Variants in KCNQ5 observed in about 807,000 individuals in gnomAD.
KCNQ5 encodes the protein potassium voltage-gated channel subfamily Q member 5.
KCNQ5 carries 30 observed loss-of-function variants against 98.2 expected under a neutral mutation model. The observed-to-expected ratio is 0.31, with a 90% CI of 0.23 to 0.41. The LOEUF (loss-of-function observed/expected upper bound fraction) is 0.41. KCNQ5 is among the 10% of genes least tolerant of loss of function. The pLI, the probability that KCNQ5 is intolerant of heterozygous loss-of-function variation, is 1.00. For missense variants in KCNQ5, 835 were observed against 1,182.5 expected, an observed-to-expected ratio of 0.71 and a Z score of 4.31; for synonymous variants, 458 against 449.4, an observed-to-expected ratio of 1.02 and a Z score of -0.24.
At chr6:72,939,891 G>A (rs1171900426) in intron 1 of KCNQ5, among the ~76,000 whole-genome samples, 6 of 152,098 alleles carry the variant, frequency 3.9e-5, no homozygotes, top group Non-Finnish European at 8.8e-5. Flanking sequence ...TGTAAAAATG[G>A]GTAGAAAGAT....
intron 10 of KCNQ5, among the ~76,000 whole-genome samples, chr6:73,168,515 C>T (rs180687445): frequency 6.6e-6 from 1 of 152,200 alleles, no homozygotes; most frequent in Admixed American, 6.5e-5. Context: ...CCAGCCTGGC[C>T]AACATGGTGA....
At chr6:72,814,410 G>T (rs938614521) in intron 1 of KCNQ5, among the ~76,000 whole-genome samples, 3 of 152,144 alleles carry the variant, frequency 2.0e-5, no homozygotes, top group African/African-American at 4.8e-5. Flanking sequence ...TAAAATGAGG[G>T]TTATAAAATC....
At chr6:72,625,255 G>A (rs1307195493) in intron 1 of KCNQ5, among the ~76,000 whole-genome samples, 1 of 152,166 alleles carries the variant, frequency 6.6e-6, no homozygotes, top group Non-Finnish European at 1.5e-5. Context: ...CTTTTCAAGA[G>A]TACATATCCT....
chr6:73,033,614 G>T (rs1771248901), intron 2 of KCNQ5, among the ~76,000 whole-genome samples: 1 of 152,100 alleles, frequency 6.6e-6, no homozygotes, highest in Non-Finnish European at 1.5e-5. Flanking sequence ...GACACTGTCT[G>T]TCAAAACTAC....
At chr6:72,969,136 T>C (rs1267496368) in intron 1 of KCNQ5, among the ~76,000 whole-genome samples, 4 of 152,172 alleles carry the variant, frequency 2.6e-5, no homozygotes, top group African/African-American at 7.2e-5. Flanking sequence ...ACTTAATAAT[T>C]AAGAAGCATT....
chr6:72,870,794 A>G (rs999979191), intron 1 of KCNQ5, among the ~76,000 whole-genome samples: 3 of 152,216 alleles, frequency 2.0e-5, no homozygotes, highest in African/African-American at 7.2e-5. Context: ...CAGTGTACTA[A>G]TAATCCAGTA....
At chr6:73,066,891 G>A (rs558272109) in intron 3 of KCNQ5, among the ~76,000 whole-genome samples, 1 of 152,134 alleles carries the variant, frequency 6.6e-6, no homozygotes, top group South Asian at 2.1e-4. Context: ...TGCTCTGTTG[G>A]CAATAAAACA....
intron 3 of KCNQ5, among the ~76,000 whole-genome samples, chr6:73,051,789 C>A (rs75672676): frequency 0.044 from 6,583 of 148,040 alleles, 264 homozygotes; most frequent in African/African-American, 0.11. Context: ...TCAGCCCACA[C>A]AGATGATAAA....
In KCNQ5 at chr6:73,041,827, A is replaced by G. The variant is rs548219234; in HGVS notation, c.490-109A>G. On this transcript the variant is annotated intron_variant, in intron 2 of 13. Coordinates refer to ENST00000370398, the MANE Select transcript of KCNQ5 (RefSeq NM_019842.4). ...ATGTTCTTAACTTTAGATATTAACA[A>G]CTAGATCCTTTAGACAAAGTGCCTA... 3.2e-5 allele frequency: 39 copies of G among 1,217,412 alleles called. No individual in the cohort carries two copies. In the East Asian group the frequency reaches 8.4e-4, roughly 26 times the overall value. The allele number at this position is 1,217,412 out of a possible 1,614,324, so 75.4% of individuals were successfully genotyped here.
intron 1 of KCNQ5, among the ~76,000 whole-genome samples, chr6:72,877,986 A>G (rs529825764): frequency 6.6e-6 from 1 of 152,326 alleles, no homozygotes; most frequent in South Asian, 2.1e-4. Context: ...TTAAAAATCC[A>G]TAGGCCGGGT....
intron 10 of KCNQ5, among the ~76,000 whole-genome samples, chr6:73,159,678 C>T (rs1562212853): frequency 6.6e-6 from 1 of 152,120 alleles, no homozygotes; most frequent in East Asian, 1.9e-4. Context: ...TTTAAAATTT[C>T]TAGTAAGGCT....
chr6:73,100,511 C>A (rs1250520005), intron 5 of KCNQ5, among the ~76,000 whole-genome samples: 1 of 148,868 alleles, frequency 6.7e-6, no homozygotes. Context: ...CTAAAAAATA[C>A]AAAAAAAAAT....
At chr6:72,815,576 T>C (rs973354968) in intron 1 of KCNQ5, among the ~76,000 whole-genome samples, 27 of 152,142 alleles carry the variant, frequency 1.8e-4, no homozygotes, top group Admixed American at 1.4e-3. Context: ...ATCAGGATTT[T>C]CAAAGCTAAG....
chr6:73,034,839 C>CTTTTTTT (rs71669816), intron 2 of KCNQ5, among the ~76,000 whole-genome samples: 6 of 113,538 alleles, frequency 5.3e-5, no homozygotes, highest in African/African-American at 1.9e-4. Context: ...TGCCTCTTTT[C>CTTTTTTT]TTTTTTTTTT....
At chr6:72,942,443 C>T (rs566842838) in intron 1 of KCNQ5, among the ~76,000 whole-genome samples, 9 of 152,204 alleles carry the variant, frequency 5.9e-5, no homozygotes, top group East Asian at 1.9e-4. Context: ...ACCTTAGCTC[C>T]GTACCTGCCA....
intron 1 of KCNQ5, among the ~76,000 whole-genome samples, chr6:72,658,578 A>ATATATATTTTTTTTTTT (rs1226386362): frequency 3.9e-5 from 3 of 76,380 alleles, no homozygotes; most frequent in African/African-American, 1.3e-4. Context: ...ATATATATAT[A>ATATATATTTTTTTTTTT]TTTTTTTTTT....
chr6:73,009,635 T>C (rs1038755790), intron 2 of KCNQ5, among the ~76,000 whole-genome samples: 4 of 152,118 alleles, frequency 2.6e-5, no homozygotes, highest in African/African-American at 4.8e-5. Context: ...AACCTTTAGA[T>C]AGATGAACTA....
At chr6:72,739,112 G>C (rs1044946627) in intron 1 of KCNQ5, among the ~76,000 whole-genome samples, 1 of 152,156 alleles carries the variant, frequency 6.6e-6, no homozygotes, top group Admixed American at 6.5e-5. Flanking sequence ...TTTGGTGGGG[G>C]ATCTCAATAG....
intron 2 of KCNQ5, among the ~76,000 whole-genome samples, chr6:73,019,491 C>T (rs766251917): frequency 2.2e-4 from 34 of 152,146 alleles, no homozygotes; most frequent in Non-Finnish European, 4.4e-4. Flanking sequence ...AAGACATCAA[C>T]AACACAAACT....
Sources: gnomAD v4.1 joint callset for allele counts (sites outside exome capture counted in the v4.1 genomes callset) on GRCh38, gnomAD v4.1.1 for gene constraint, MANE v1.5 for transcripts, NCBI Gene and HGNC (gene_info 2026-07-23, HGNC 2026-07-21) for gene names.